The following GRIK4 variants were observed in gnomAD, a reference collection of about 807,000 sequenced individuals.
GRIK4 encodes glutamate ionotropic receptor kainate type subunit 4.
GRIK4 carries 40 observed loss-of-function variants against 104.9 expected under a neutral mutation model. The ratio of observed to expected loss-of-function variants is 0.38; its 90% CI spans 0.30 to 0.50. The LOEUF (loss-of-function observed/expected upper bound fraction) is 0.50, where lower values mean the gene tolerates loss of function less well. GRIK4 is among the 20% of genes least tolerant of loss of function. The pLI is 0.93. For missense variants in GRIK4, 1,047 were observed against 1,308.1 expected (o/e 0.80, Z 3.08); for synonymous variants, 485 against 524.9 (o/e 0.92, Z 1.04).
chr11:120,715,085 G>A (rs532137387), intron 3 of GRIK4, among the ~76,000 whole-genome samples: 1 of 152,182 alleles, frequency 6.6e-6, no homozygotes, highest in East Asian at 1.9e-4. Flanking sequence ...TCATCCGTGG[G>A]ACTGGAGCTC....
At chr11:120,535,571 G>C (rs1254574576) in intron 1 of GRIK4, among the ~76,000 whole-genome samples, 1 of 152,136 alleles carries the variant, frequency 6.6e-6, no homozygotes, top group African/African-American at 2.4e-5. Flanking sequence ...TGGCTAGGCA[G>C]GGTGTGTAGG....
intron 3 of GRIK4, among the ~76,000 whole-genome samples, chr11:120,720,524 G>T (rs922163274): frequency 1.3e-5 from 2 of 152,150 alleles, no homozygotes; most frequent in Admixed American, 1.3e-4. Flanking sequence ...GGAACTGATG[G>T]TGTTGATGTG....
intron 1 of GRIK4, chr11:120,619,989 G>T: frequency 4.0e-6 from 2 of 503,234 alleles, no homozygotes; most frequent in South Asian, 3.4e-5. Flanking sequence ...AGTGTAATTG[G>T]GAGTTTGGGA....
chr11:120,637,351 GT>G (rs201010060), intron 1 of GRIK4, among the ~76,000 whole-genome samples: 4,584 of 152,074 alleles, frequency 0.03, 113 homozygotes, highest in Non-Finnish European at 0.048. Flanking sequence ...GGACAGGCTT[GT>G]TTTTTTTCCC....
intron 3 of GRIK4, among the ~76,000 whole-genome samples, chr11:120,728,896 C>T (rs1951079353): frequency 1.3e-5 from 2 of 152,188 alleles, no homozygotes; most frequent in South Asian, 4.1e-4. Flanking sequence ...ACTATCCCCA[C>T]TTTCTCCCCA....
At chr11:120,657,184 G>A (rs918059490) in intron 2 of GRIK4, among the ~76,000 whole-genome samples, 1 of 152,148 alleles carries the variant, frequency 6.6e-6, no homozygotes, top group Non-Finnish European at 1.5e-5. Flanking sequence ...ACCAGGCACT[G>A]TTCTAGGCCC....
At chr11:120,785,806 G>A (rs533837326) in intron 3 of GRIK4, among the ~76,000 whole-genome samples, 31 of 152,260 alleles carry the variant, frequency 2.0e-4, no homozygotes, top group African/African-American at 4.6e-4. Context: ...ATGCCTCCGC[G>A]TCTCCATGCG....
chr11:120,723,366 G>A (rs1469070766), intron 3 of GRIK4, among the ~76,000 whole-genome samples: 3 of 152,094 alleles, frequency 2.0e-5, no homozygotes, highest in Non-Finnish European at 4.4e-5. Context: ...ACAGCTGATC[G>A]GCCTCCATTG....
At chr11:120,651,430 A>AG (rs1458194871) in intron 1 of GRIK4, among the ~76,000 whole-genome samples, 1 of 152,208 alleles carries the variant, frequency 6.6e-6, no homozygotes, top group African/African-American at 2.4e-5. Context: ...GAGGTGCATT[A>AG]GGGGTCTGAA....
At chr11:120,762,120 G>A (rs1384674162) in intron 3 of GRIK4, among the ~76,000 whole-genome samples, 1 of 152,128 alleles carries the variant, frequency 6.6e-6, no homozygotes, top group Non-Finnish European at 1.5e-5. Context: ...ATTTCCTTGA[G>A]CAGTGGTTTG....
chr11:120,968,094 G>A (rs982633017), intron 19 of GRIK4, among the ~76,000 whole-genome samples: 3 of 152,196 alleles, frequency 2.0e-5, no homozygotes, highest in Non-Finnish European at 2.9e-5. Flanking sequence ...CAAAGAGCTG[G>A]ACATGTGGAT....
chr11:120,892,772 T>G (rs1432955938), intron 11 of GRIK4, among the ~76,000 whole-genome samples: 2 of 152,202 alleles, frequency 1.3e-5, no homozygotes, highest in African/African-American at 4.8e-5. Context: ...TCCAAAGGAC[T>G]ATGGGTAGCC....
chr11:120,550,961 ATGAGTG>A (rs1948133726), intron 1 of GRIK4, among the ~76,000 whole-genome samples: 2 of 151,862 alleles, frequency 1.3e-5, no homozygotes, highest in Non-Finnish European at 2.9e-5. Flanking sequence ...CGGAGCATGC[ATGAGTG>A]CACAGTGAAG....
At chr11:120,554,856 G>T (rs116954664) in intron 1 of GRIK4, among the ~76,000 whole-genome samples, 3,183 of 152,242 alleles carry the variant, frequency 0.021, 56 homozygotes, top group Non-Finnish European at 0.029. Context: ...ACCGCGCCTG[G>T]CCCCTTCCAG....
intron 1 of GRIK4, among the ~76,000 whole-genome samples, chr11:120,560,584 C>G (rs899971657): frequency 6.6e-6 from 1 of 152,150 alleles, no homozygotes; most frequent in Non-Finnish European, 1.5e-5. Flanking sequence ...GTGTTTCCAT[C>G]AGGCACACAC....
At chr11:120,760,045 A>T (rs1169363809) in intron 3 of GRIK4, among the ~76,000 whole-genome samples, 1 of 152,010 alleles carries the variant, frequency 6.6e-6, no homozygotes, top group Non-Finnish European at 1.5e-5. Flanking sequence ...TTAAATAAGT[A>T]GATTTTAATC....
intron 2 of GRIK4, among the ~76,000 whole-genome samples, chr11:120,655,532 T>C (rs1591773137): frequency 6.6e-6 from 1 of 152,162 alleles, no homozygotes; most frequent in South Asian, 2.1e-4. Context: ...TTATCAAGTT[T>C]GTATTTCTGT....
chr11:120,822,205 C>A, intron 6 of GRIK4, among the ~76,000 whole-genome samples: 1 of 117,014 alleles, frequency 8.5e-6, no homozygotes, highest in African/African-American at 4.2e-5. Flanking sequence ...GAGGGAAACC[C>A]TATCTCAAAA....
At chr11:120,687,782 C>A (rs1416288323) in intron 3 of GRIK4, among the ~76,000 whole-genome samples, 2 of 152,168 alleles carry the variant, frequency 1.3e-5, no homozygotes, top group Non-Finnish European at 2.9e-5. Context: ...TTTCCCAGAG[C>A]AGAGCCACCA....
Sources: gnomAD v4.1 joint callset for allele counts (sites outside exome capture counted in the v4.1 genomes callset) on GRCh38, gnomAD v4.1.1 for gene constraint, MANE v1.5 for transcripts, NCBI Gene and HGNC (gene_info 2026-07-23, HGNC 2026-07-21) for gene names.